SPATA21: variants seen among roughly 807,000 people sequenced by gnomAD.
SPATA21 encodes spermatogenesis associated 21, also known as spermatogenesis-associated protein 21.
SPATA21 carries 47 observed loss-of-function variants against 54.8 expected under a neutral mutation model. The observed-to-expected ratio is 0.86, with a 90% CI of 0.68 to 1.09. SPATA21 has a LOEUF of 1.09. Among genes scored for constraint, SPATA21 ranks in the 50% least tolerant of loss-of-function variants. The pLI is 0.00. For missense variants in SPATA21, 599 were observed against 596.4 expected (o/e 1.00, Z -0.05); for synonymous variants, 245 against 235.3 (o/e 1.04, Z -0.38).
chr1:16,426,746 A>G (rs1279425207), intron 3 of SPATA21, among the ~76,000 whole-genome samples: 2 of 151,304 alleles, frequency 1.3e-5, no homozygotes, highest in Non-Finnish European at 2.9e-5. Flanking sequence ...ATGCCCAGCT[A>G]GTTTTATATT....
rs552050440 is a variant in SPATA21 at position 16,415,847 on chromosome 1, C to G, written c.144+5662G>C. Among the ~76,000 whole-genome samples the G allele has an allele frequency of 2.0e-5, 3 of 152,270 alleles. No homozygotes were observed. The East Asian group carries it at 5.8e-4, about 29-fold the overall frequency. On this transcript the variant is annotated intron_variant, in intron 5 of 12. Coordinates refer to ENST00000335496, the MANE Select transcript of SPATA21 (RefSeq NM_198546.1). ...TGCTGGGATTACAGGCGTGAGCCAC[C>G]ACACCCGGCCAAATGTCTCCTATTA...
In SPATA21 at chr1:16,404,966, C is replaced by T; in HGVS notation, c.811+1G>A. ...GCAGAGTGGAGCCCTCTGCCACTCA[C>T]CATTGACATCAGCACTCATCAGGGC... is the stretch of plus-strand genomic sequence containing the variant. On this transcript the variant is annotated splice_donor_variant, in intron 8 of 12. Transcript: ENST00000335496. LOFTEE classifies it high-confidence loss of function. 6.4e-7 allele frequency: 1 copy of T among 1,574,760 alleles called. No individual in the cohort carries two copies. The highest frequency in any genetic ancestry group is 8.6e-7 in the Non-Finnish European group (1 of 1,166,054).
chr1:16,420,092 T>G (rs74716457), intron 5 of SPATA21, among the ~76,000 whole-genome samples: 4,681 of 151,634 alleles, frequency 0.031, 214 homozygotes, highest in African/African-American at 0.1. Context: ...GGAGGGAGAC[T>G]GGGAAGGAGT....
At chr1:16,431,210 G>C in intron 3 of SPATA21, 128 bp downstream of exon 3, 3 of 1,576,064 alleles carry the variant, frequency 1.9e-6, no homozygotes, top group Non-Finnish European at 2.6e-6. Context: ...AGCTAGGAGT[G>C]AATGGATCAG....
chr1:16,433,016 CCTGT>C (rs1302352515), intron 1 of SPATA21, 92 bp from the exon 2 acceptor site: 2 of 152,256 alleles, frequency 1.3e-5, no homozygotes, highest in African/African-American at 2.4e-5. Flanking sequence ...CAAACCCAGG[CCTGT>C]CTGACTCCCA....
intron 3 of SPATA21, chr1:16,425,670 G>A: frequency 6.5e-7 from 1 of 1,550,348 alleles, no homozygotes; most frequent in Non-Finnish European, 8.7e-7. Flanking sequence ...AGCTCACTCT[G>A]ATCCTGGCCT....
intron 3 of SPATA21, among the ~76,000 whole-genome samples, chr1:16,425,943 C>T (rs1570199656): frequency 6.6e-6 from 1 of 152,130 alleles, no homozygotes; most frequent in South Asian, 2.1e-4. Context: ...GAGACAAGGT[C>T]TCTCTGTGTT....
chr1:16,427,750 G>T, intron 3 of SPATA21: 3 of 1,154,476 alleles, frequency 2.6e-6, no homozygotes, highest in Non-Finnish European at 3.6e-6. Context: ...ACAAGGTGCT[G>T]TCGTGGGTGG....
rs1443565098 is a variant in SPATA21, at chr1:16,409,880, G to A, written c.308C>T (p.Ser103Leu). 9 of 1,612,438 alleles carry A rather than the reference G, an allele frequency of 5.6e-6. No individual in the cohort carries two copies. Among genetic ancestry groups the A allele is most frequent in the South Asian group, 1.1e-5 (1 of 90,846 alleles). Residue 103 changes from serine to leucine, a missense_variant, in exon 6 of 13, where the codon TCG becomes TTG. Coordinates refer to ENST00000335496, the MANE Select transcript of SPATA21 (RefSeq NM_198546.1). The surrounding 1 kb of genome is among the most constrained non-coding windows in gnomAD (Gnocchi z 4.1). ...EKMEASHRRA[S>L]KARSQTAQKS... Reference sequence around the variant, plus strand: ...CTGGGCTGTCTGGGACCGGGCCTTCGAGGCTCTCCGATGGGAGGCCTCCAT... The same window carrying A: ...CTGGGCTGTCTGGGACCGGGCCTTCAAGGCTCTCCGATGGGAGGCCTCCAT...
intron 1 of SPATA21, among the ~76,000 whole-genome samples, chr1:16,434,725 T>C (rs937844735): frequency 1.3e-5 from 2 of 152,234 alleles, no homozygotes; most frequent in Admixed American, 6.5e-5. Flanking sequence ...ACATGTCAAC[T>C]CTATTTTTAG....
At position 16,410,062 on chromosome 1, in the gene SPATA21, A is replaced by C; in HGVS notation, c.145-19T>G. 1 of 1,521,268 alleles carries C rather than the reference A, an allele frequency of 6.6e-7. No homozygotes were observed. The highest frequency in any genetic ancestry group is 8.8e-7 in the Non-Finnish European group (1 of 1,136,580). The allele number at this position is 1,521,268 out of a possible 1,614,324, so 94.2% of individuals were successfully genotyped here. On this transcript the variant is annotated intron_variant, in intron 5 of 12. Coordinates refer to ENST00000335496, the MANE Select transcript of SPATA21 (RefSeq NM_198546.1). ...TCACCTCCTGGGGACAGGGGAGGGG[A>C]TCCAGGAGGCCTCTAGTGGGCCAGA...
intron 3 of SPATA21, among the ~76,000 whole-genome samples, chr1:16,422,931 G>A (rs1279586191): frequency 1.3e-5 from 2 of 152,166 alleles, no homozygotes; most frequent in Admixed American, 1.3e-4. Context: ...GGGAGGCTGA[G>A]GGGCAGGTGG....
At chr1:16,430,263 A>G (rs2086426631) in intron 3 of SPATA21, among the ~76,000 whole-genome samples, 1 of 151,990 alleles carries the variant, frequency 6.6e-6, no homozygotes, top group Admixed American at 6.6e-5. Flanking sequence ...CCTTGTCTCT[A>G]CAAAAAATTA....
chr1:16,409,899 C>A lies in SPATA21; in HGVS notation c.289G>T (p.Ala97Ser). The A allele has an allele frequency of 6.2e-7, 1 of 1,613,740 alleles. No individual in the cohort carries two copies. Among genetic ancestry groups the A allele is most frequent in the Non-Finnish European group, 8.5e-7 (1 of 1,179,822 alleles). ...GCCTTCGAGGCTCTCCGATGGGAGG[C>A]CTCCATTTTCTCCACCTCCAGCAAG... ...KCLLEVEKME[A>S]SHRRASKARS... The change falls in exon 6 of 13, where the codon GCC becomes TCC. Residue 97 changes from alanine to serine, a missense_variant. Transcript: ENST00000335496. This position sits in a 1 kb window ranked among gnomAD's most constrained non-coding sequence, Gnocchi z 4.1.
At chr1:16,410,083 C>A in intron 5 of SPATA21, 40 bp from the exon 6 acceptor site, 2 of 1,454,710 alleles carry the variant, frequency 1.4e-6, no homozygotes, top group Non-Finnish European at 1.9e-6. Context: ...CTCTAGTGGG[C>A]CAGAGTGTCC....
At chr1:16,417,642 C>G (rs1018595336) in intron 5 of SPATA21, among the ~76,000 whole-genome samples, 25 of 152,002 alleles carry the variant, frequency 1.6e-4, no homozygotes, top group Non-Finnish European at 3.1e-4. Flanking sequence ...CCCATGTTGG[C>G]CAAGCTGGTC....
At chr1:16,398,576 C>T (rs549855212), downstream of SPATA21, 126 of 638,698 alleles carry the variant, frequency 2.0e-4, no homozygotes, top group Non-Finnish European at 2.5e-5. Flanking sequence ...TGGAACCCTG[C>T]ACTCTGAGAG....
chr1:16,404,303 C>G (rs1245399842), intron 8 of SPATA21, among the ~76,000 whole-genome samples: 7 of 152,036 alleles, frequency 4.6e-5, no homozygotes, highest in African/African-American at 1.7e-4. Flanking sequence ...AATCCCGTCT[C>G]TACTAAAAAT....
intron 5 of SPATA21, among the ~76,000 whole-genome samples, chr1:16,410,303 T>C (rs2085802716): frequency 6.6e-6 from 1 of 152,188 alleles, no homozygotes; most frequent in South Asian, 2.1e-4. Context: ...TGGAGTGCAG[T>C]GGTGTGATCT....
Sources: allele counts gnomAD v4.1 joint callset (sites outside exome capture counted in the v4.1 genomes callset), GRCh38; gene constraint gnomAD v4.1.1; non-coding constraint Gnocchi (gnomAD v3.1); transcripts MANE v1.5; gene names NCBI Gene and HGNC (gene_info 2026-07-23, HGNC 2026-07-21).